The following PFKFB3 variants were observed in gnomAD, a reference collection of about 807,000 sequenced individuals.
The protein encoded by PFKFB3 is 6-phosphofructo-2-kinase/fructose-2,6-biphosphatase 3, also known as 6-phosphofructo-2-kinase/fructose-2,6-bisphosphatase 3.
Under a neutral mutation model 68.0 loss-of-function variants are expected in PFKFB3, and 33 were observed. The ratio of observed to expected loss-of-function variants is 0.49; its 90% CI spans 0.37 to 0.65. The LOEUF is 0.65. PFKFB3 is among the 30% of genes least tolerant of loss of function. The pLI, the probability that PFKFB3 is intolerant of heterozygous loss-of-function variation, is 0.00. For missense variants in PFKFB3, 586 were observed against 712.2 expected (o/e 0.82, Z 2.02); for synonymous variants, 315 against 288.2 (o/e 1.09, Z -0.94).
chr10:6,226,462 T>C, intron 14 of PFKFB3, 97 bp downstream of exon 14: 2 of 1,175,260 alleles, frequency 1.7e-6, no homozygotes, highest in Non-Finnish European at 2.4e-6. Context: ...CAAGAATACG[T>C]GCGTGGGTGC....
At chr10:6,278,988 C>G in the PFKFB3 span, among the ~76,000 whole-genome samples, 1 of 152,202 alleles carries the variant, frequency 6.6e-6, no homozygotes, top group Non-Finnish European at 1.5e-5. Context: ...TATAGGGCTG[C>G]GGCGAGAATT....
intron 1 of PFKFB3, among the ~76,000 whole-genome samples, chr10:6,164,444 G>A (rs1454510299): frequency 6.6e-6 from 1 of 152,230 alleles, no homozygotes; most frequent in Non-Finnish European, 1.5e-5. Flanking sequence ...TGGCAGGACT[G>A]GGCACACTTG....
intron 14 of PFKFB3, among the ~76,000 whole-genome samples, chr10:6,249,801 T>C (rs1310334567): frequency 2.6e-5 from 4 of 152,128 alleles, no homozygotes; most frequent in African/African-American, 9.7e-5. Flanking sequence ...AATAATAATG[T>C]ACATTTCAAA....
the PFKFB3 span, among the ~76,000 whole-genome samples, chr10:6,282,012 G>A: frequency 6.7e-6 from 1 of 148,934 alleles, no homozygotes; most frequent in Non-Finnish European, 1.5e-5. Flanking sequence ...AGGCTGGAAT[G>A]CAGCGACTAT....
At chr10:6,254,318 C>T in exon 15 of PFKFB3, 1 of 398,592 alleles carries the variant, frequency 2.5e-6, no homozygotes, top group Non-Finnish European at 4.4e-6. Context: ...TCCCGGAGCC[C>T]AGACTGGTCT....
intron 6 of PFKFB3, among the ~76,000 whole-genome samples, chr10:6,218,144 G>A (rs4237417): frequency 3.9e-5 from 6 of 152,212 alleles, no homozygotes; most frequent in African/African-American, 1.4e-4. Context: ...CTGGGCACTC[G>A]TTGTTCCCCT....
At chr10:6,201,056 C>T (rs1843331354), upstream of PFKFB3, among the ~76,000 whole-genome samples, 1 of 152,180 alleles carries the variant, frequency 6.6e-6, no homozygotes, top group African/African-American at 2.4e-5. This position sits in a 1 kb window ranked among gnomAD's most constrained non-coding sequence, Gnocchi z 4.1. Context: ...GGGCAAGCAG[C>T]GGGCGCGCAG....
At chr10:6,155,966 A>C (rs1228316440) in intron 1 of PFKFB3, among the ~76,000 whole-genome samples, 2 of 152,116 alleles carry the variant, frequency 1.3e-5, no homozygotes, top group African/African-American at 4.8e-5. Flanking sequence ...TTCTACATGC[A>C]CATAGCGAAC....
intron 1 of PFKFB3, among the ~76,000 whole-genome samples, chr10:6,174,906 C>T (rs1331440879): frequency 6.6e-6 from 1 of 151,936 alleles, no homozygotes; most frequent in African/African-American, 2.4e-5. Flanking sequence ...ACCTCCACCT[C>T]CCAGGTTCAA....
the PFKFB3 span, among the ~76,000 whole-genome samples, chr10:6,315,674 CAG>C: frequency 1.3e-5 from 2 of 152,270 alleles, no homozygotes; most frequent in East Asian, 3.9e-4. Flanking sequence ...TAAGTAGAGA[CAG>C]AGTTTCACCA....
chr10:6,316,537 G>A, the PFKFB3 span, among the ~76,000 whole-genome samples: 5 of 152,088 alleles, frequency 3.3e-5, no homozygotes, highest in Non-Finnish European at 7.4e-5. Context: ...GGAGTGCAGT[G>A]GTGTGATCTT....
the PFKFB3 span, among the ~76,000 whole-genome samples, chr10:6,289,771 T>C: frequency 1.3e-5 from 2 of 152,176 alleles, no homozygotes; most frequent in African/African-American, 4.8e-5. Context: ...GGGGATGGCA[T>C]TGAATCTATA....
At position 6,234,536 on chromosome 10, in the gene PFKFB3, T is replaced by C. The variant is rs1019262753; in HGVS notation, c.*1594T>C. On this transcript the variant is annotated 3_prime_UTR_variant, in exon 15 of 15. Coordinates refer to ENST00000379775, the MANE Select transcript of PFKFB3 (RefSeq NM_004566.4). ...CCCTCCCCGCCCGTTGCACCCACTT[T>C]GGCTGGCGTCTGCTGGAGAGGATGT... is the stretch of plus-strand genomic sequence containing the variant. 1 of 152,334 alleles carries C rather than the reference T, an allele frequency of 6.6e-6. No homozygotes were observed. The highest frequency in any genetic ancestry group is 2.4e-5 in the African/African-American group (1 of 41,442). 9.4% of individuals were successfully genotyped at this position (152,334 alleles called of 1,614,324 possible).
the PFKFB3 span, among the ~76,000 whole-genome samples, chr10:6,265,951 C>T: frequency 4.5e-4 from 68 of 151,662 alleles, 1 homozygote; most frequent in Admixed American, 3.7e-3. Context: ...AGTTCTGTTA[C>T]GTAGGTGGGA....
chr10:6,322,804 C>T, the PFKFB3 span, among the ~76,000 whole-genome samples: 1 of 152,240 alleles, frequency 6.6e-6, no homozygotes, highest in Non-Finnish European at 1.5e-5. Context: ...TTGCTGTCCA[C>T]CTCCTCTAAT....
At chr10:6,312,744 G>C in the PFKFB3 span, among the ~76,000 whole-genome samples, 2 of 152,128 alleles carry the variant, frequency 1.3e-5, no homozygotes. Flanking sequence ...AGTAAATTTG[G>C]AGACCGGCCG....
chr10:6,204,653 G>C (rs1022735569), intron 1 of PFKFB3, among the ~76,000 whole-genome samples: 1 of 152,364 alleles, frequency 6.6e-6, no homozygotes, highest in African/African-American at 2.4e-5. Flanking sequence ...GGATGTGGGT[G>C]TGTTGCCCAG....
chr10:6,321,848 T>C, the PFKFB3 span, among the ~76,000 whole-genome samples: 9 of 152,346 alleles, frequency 5.9e-5, no homozygotes, highest in South Asian at 4.1e-4. Flanking sequence ...GCATCCAAGA[T>C]GGCCTCATTA....
the PFKFB3 span, among the ~76,000 whole-genome samples, chr10:6,272,330 G>A: frequency 2.0e-5 from 3 of 152,134 alleles, no homozygotes; most frequent in African/African-American, 7.2e-5. Context: ...TGCCCTATTA[G>A]GACATCGGGG....
Sources: gnomAD v4.1 joint callset for allele counts (sites outside exome capture counted in the v4.1 genomes callset) on GRCh38, gnomAD v4.1.1 for gene constraint, Gnocchi (gnomAD v3.1) non-coding constraint, MANE v1.5 for transcripts, NCBI Gene and HGNC (gene_info 2026-07-23, HGNC 2026-07-21) for gene names.